Variants in KPNA4 observed in about 807,000 individuals in gnomAD.
KPNA4 encodes importin subunit alpha-3.
A neutral mutation model predicts 71.3 loss-of-function variants in KPNA4; 13 were observed. That is an observed-to-expected ratio of 0.18 (90% CI 0.12 to 0.29). The LOEUF (loss-of-function observed/expected upper bound fraction) is 0.29. Among genes scored for constraint, KPNA4 ranks in the 10% least tolerant of loss-of-function variants. The pLI is 1.00. For missense variants in KPNA4, 334 were observed against 603.2 expected, an observed-to-expected ratio of 0.55 and a Z score of 4.67; for synonymous variants, 189 against 195.2, an observed-to-expected ratio of 0.97 and a Z score of 0.26.
intron 1 of KPNA4, among the ~76,000 whole-genome samples, chr3:160,562,501 A>G (rs1248412168): frequency 6.6e-6 from 1 of 152,206 alleles, no homozygotes; most frequent in Non-Finnish European, 1.5e-5. Flanking sequence ...AGAGAGATAC[A>G]GCATATATGT....
chr3:160,554,160 T>C (rs945281917), intron 1 of KPNA4, among the ~76,000 whole-genome samples: 3 of 152,264 alleles, frequency 2.0e-5, no homozygotes, highest in Admixed American at 6.5e-5. Context: ...CAACTCCCAC[T>C]CATCTCTTAC....
intron 1 of KPNA4, among the ~76,000 whole-genome samples, chr3:160,563,041 G>A (rs1459770640): frequency 5.3e-5 from 8 of 152,066 alleles, no homozygotes; most frequent in Admixed American, 5.2e-4. Context: ...ATAGCCAAGA[G>A]AAATAAAACA....
At chr3:160,558,979 A>C (rs565221253) in intron 1 of KPNA4, among the ~76,000 whole-genome samples, 2 of 152,336 alleles carry the variant, frequency 1.3e-5, no homozygotes, top group Non-Finnish European at 2.9e-5. Context: ...GAAAAAAATG[A>C]AGATTACATA....
chr3:160,556,088 C>T (rs940570765), intron 1 of KPNA4, among the ~76,000 whole-genome samples: 1 of 152,236 alleles, frequency 6.6e-6, no homozygotes, highest in Admixed American at 6.5e-5. Flanking sequence ...CCGCCTTGGC[C>T]TCCCAAAGTG....
intron 8 of KPNA4, among the ~76,000 whole-genome samples, chr3:160,527,004 C>T (rs73155924): frequency 0.14 from 21,767 of 152,086 alleles, 2,094 homozygotes; most frequent in Non-Finnish European, 0.21. Context: ...GAGAAATTCT[C>T]CCTTAAAAAC....
chr3:160,519,652 G>A lies in KPNA4; in HGVS notation c.903+2127C>T, dbSNP rs375219034. Among the ~76,000 whole-genome samples the A allele has an allele frequency of 8.6e-5, 13 of 151,510 alleles. No homozygotes were observed. The South Asian group carries it at 1.3e-3, about 15-fold the overall frequency. ...TACTAAAAAATACAAAAAATTAGCC[G>A]GGCGCGGTGGTGGGCGCCTGTAGTC... On this transcript the variant is annotated intron_variant, in intron 11 of 16. Transcript: ENST00000334256.
At chr3:160,507,141 A>G (rs977641936) in intron 15 of KPNA4, among the ~76,000 whole-genome samples, 3 of 152,296 alleles carry the variant, frequency 2.0e-5, no homozygotes, top group South Asian at 2.1e-4. Context: ...GCTCTGGTAC[A>G]TGGCCATGTT....
intron 1 of KPNA4, among the ~76,000 whole-genome samples, chr3:160,540,731 T>TG (rs1274358490): frequency 6.6e-6 from 1 of 152,198 alleles, no homozygotes; most frequent in Non-Finnish European, 1.5e-5. Flanking sequence ...TAAGCAGTGG[T>TG]GTCAATTAGA....
chr3:160,537,520 T>C (rs1721714015), intron 1 of KPNA4, among the ~76,000 whole-genome samples: 1 of 151,670 alleles, frequency 6.6e-6, no homozygotes, highest in African/African-American at 2.4e-5. Flanking sequence ...GTGTGTTCAC[T>C]GTAAAACATT....
Position 160,495,035 on chromosome 3 carries a change from C to T in KPNA4, c.*7069G>A, listed in dbSNP as rs1263647321. 2 of 152,156 alleles carry T rather than the reference C, an allele frequency of 1.3e-5. No homozygotes were observed. Among genetic ancestry groups the T allele is most frequent in the South Asian group, 4.1e-4 (2 of 4,834 alleles). 9.4% of individuals were successfully genotyped at this position (152,156 alleles called of 1,614,324 possible). ...TTATCACAAGCATTTATTGAGTACC[C>T]ATAGAACTCATGGTACCTTCACGGT... On this transcript the variant is annotated 3_prime_UTR_variant, in exon 17 of 17. Coordinates refer to ENST00000334256, the MANE Select transcript of KPNA4 (RefSeq NM_002268.5).
intron 15 of KPNA4, among the ~76,000 whole-genome samples, chr3:160,506,506 T>C (rs946185772): frequency 6.6e-6 from 1 of 152,004 alleles, no homozygotes; most frequent in Non-Finnish European, 1.5e-5. Context: ...TCCTGCCTCC[T>C]TTCTCCAAAG....
chr3:160,537,998 A>T (rs897351199), intron 1 of KPNA4, among the ~76,000 whole-genome samples: 2 of 151,946 alleles, frequency 1.3e-5, no homozygotes, highest in Non-Finnish European at 2.9e-5. Context: ...CAACCAGAGT[A>T]ATCCTCATAG....
rs1720784346 is a variant in KPNA4, at chr3:160,497,264, A to G, written c.*4840T>C. 1 of 152,098 alleles carries G rather than the reference A, an allele frequency of 6.6e-6. No individual in the cohort carries two copies. The highest frequency in any genetic ancestry group is 1.5e-5 in the Non-Finnish European group (1 of 68,034). The allele number at this position is 152,098 out of a possible 1,614,324, so 9.4% of individuals were successfully genotyped here. A position where few individuals can be genotyped will look rare whatever the true frequency, so the allele number is the denominator to read the frequency against. The stretch of plus-strand genomic sequence containing the variant: ...ACCCCATTTCTACTAAAAATACAAA[A>G]ATTAGCCAGGCGTGGTAGCGTACTC... On this transcript the variant is annotated 3_prime_UTR_variant, in exon 17 of 17. Coordinates refer to ENST00000334256, the MANE Select transcript of KPNA4 (RefSeq NM_002268.5).
In KPNA4 at chr3:160,496,946, AGAT is replaced by A. The variant is rs1720775929; in HGVS notation, c.*5155_*5157del. On this transcript the variant is annotated 3_prime_UTR_variant, in exon 17 of 17. Transcript: ENST00000334256. ...GGCCTGGATTTAAAAGGAATTTTCAAGATTATTGTTAACTTCTGGGTTAAGTGT... is the reference window on the plus strand; with the variant it reads ...GGCCTGGATTTAAAAGGAATTTTCAATATTGTTAACTTCTGGGTTAAGTGT... 6.6e-6 allele frequency: 1 copy of A among 152,254 alleles called. No homozygotes were observed. Among genetic ancestry groups the A allele is most frequent in the Admixed American group, 6.5e-5 (1 of 15,280 alleles). 9.4% of individuals were successfully genotyped at this position (152,254 alleles called of 1,614,324 possible). A position where few individuals can be genotyped will look rare whatever the true frequency, so the allele number is the denominator to read the frequency against.
chr3:160,540,324 C>T (rs893337898), intron 1 of KPNA4, among the ~76,000 whole-genome samples: 63 of 152,204 alleles, frequency 4.1e-4, no homozygotes, highest in African/African-American at 1.4e-3. Context: ...TTACTTGATA[C>T]TCATTTGTTA....
At position 160,527,852 on chromosome 3, in the gene KPNA4, C is replaced by A; in HGVS notation, c.556+101G>T. On this transcript the variant is annotated intron_variant, in intron 8 of 16. Transcript: ENST00000334256. ...GTAAGCTATTTCACAAAAACTAGTA[C>A]TGAAGGCAAACTGTTTTCTCTTTTG... 7 of 785,214 alleles carry A rather than the reference C, an allele frequency of 8.9e-6. No individual in the cohort carries two copies. The South Asian group carries it at 1.4e-4, about 15-fold the overall frequency. The allele number at this position is 785,214 out of a possible 1,614,324, so 48.6% of individuals were successfully genotyped here. A position where few individuals can be genotyped will look rare whatever the true frequency, so the allele number is the denominator to read the frequency against.
chr3:160,549,770 A>G (rs1240544318), intron 1 of KPNA4, among the ~76,000 whole-genome samples: 1 of 152,196 alleles, frequency 6.6e-6, no homozygotes, highest in African/African-American at 2.4e-5. Flanking sequence ...CCTTATGAAG[A>G]CTGCTTTTCC....
intron 8 of KPNA4, 107 bp from the exon 9 acceptor site, chr3:160,526,214 A>G: frequency 1.3e-6 from 1 of 793,932 alleles, no homozygotes; most frequent in Non-Finnish European, 1.9e-6. Context: ...TTATCCAGAT[A>G]CACTGTTCAG....
intron 1 of KPNA4, among the ~76,000 whole-genome samples, chr3:160,562,555 G>A (rs1560058459): frequency 6.6e-6 from 1 of 152,132 alleles, no homozygotes; most frequent in Non-Finnish European, 1.5e-5. Flanking sequence ...AGATATGTAA[G>A]TAACAAATAC....
Sources: gnomAD v4.1 joint callset for allele counts (sites outside exome capture counted in the v4.1 genomes callset) on GRCh38, gnomAD v4.1.1 for gene constraint, MANE v1.5 for transcripts, NCBI Gene and HGNC (gene_info 2026-07-23, HGNC 2026-07-21) for gene names.